The following KCNH7 variants were observed in gnomAD, a reference collection of about 807,000 sequenced individuals.
KCNH7 encodes the protein potassium voltage-gated channel subfamily H member 7, also known as voltage-gated inwardly rectifying potassium channel KCNH7.
KCNH7 carries 49 observed loss-of-function variants against 120.8 expected under a neutral mutation model. The observed-to-expected ratio is 0.41, with a 90% CI of 0.32 to 0.51. The LOEUF (loss-of-function observed/expected upper bound fraction) is 0.51. KCNH7 is among the 20% of genes least tolerant of loss of function. The pLI is 0.38. For missense variants in KCNH7, 1,097 were observed against 1,446.6 expected (o/e 0.76, Z 3.92); for synonymous variants, 547 against 516.1 (o/e 1.06, Z -0.81).
At chr2:162,752,359 T>A (rs756719918) in intron 2 of KCNH7, among the ~76,000 whole-genome samples, 1 of 152,222 alleles carries the variant, frequency 6.6e-6, no homozygotes, top group Non-Finnish European at 1.5e-5. Flanking sequence ...CAAACTGTTA[T>A]TGATACATGT....
intron 2 of KCNH7, among the ~76,000 whole-genome samples, chr2:162,835,719 T>A (rs1048553124): frequency 2.0e-5 from 3 of 152,086 alleles, no homozygotes; most frequent in Non-Finnish European, 1.5e-5. Flanking sequence ...TGAGTTCATT[T>A]ACATATATAT....
At chr2:162,519,268 T>C (rs1574056582) in intron 3 of KCNH7, among the ~76,000 whole-genome samples, 1 of 151,822 alleles carries the variant, frequency 6.6e-6, no homozygotes, top group Non-Finnish European at 1.5e-5. Flanking sequence ...AATTGGATTA[T>C]CCATTAGAAG....
chr2:162,800,158 A>C (rs1441252283), intron 2 of KCNH7, among the ~76,000 whole-genome samples: 1 of 151,906 alleles, frequency 6.6e-6, no homozygotes, highest in South Asian at 2.1e-4. Flanking sequence ...AGAAGGACTT[A>C]TGGTGAAGGA....
intron 2 of KCNH7, among the ~76,000 whole-genome samples, chr2:162,619,621 A>T (rs1432064860): frequency 6.6e-6 from 1 of 152,098 alleles, no homozygotes; most frequent in African/African-American, 2.4e-5. Context: ...TCTCCCAAAG[A>T]GACCCTTTTT....
intron 2 of KCNH7, among the ~76,000 whole-genome samples, chr2:162,693,749 A>C (rs1007299109): frequency 3.9e-5 from 6 of 152,198 alleles, no homozygotes; most frequent in Non-Finnish European, 7.3e-5. Flanking sequence ...TGTATTTCTT[A>C]ATGACTGAAA....
intron 2 of KCNH7, among the ~76,000 whole-genome samples, chr2:162,732,585 G>A (rs991591824): frequency 2.6e-5 from 4 of 152,136 alleles, no homozygotes; most frequent in African/African-American, 9.7e-5. Flanking sequence ...TGAGAATCCT[G>A]TGGTCTGCAT....
At chr2:162,644,955 A>ATG (rs768209817) in intron 2 of KCNH7, among the ~76,000 whole-genome samples, 9 of 152,142 alleles carry the variant, frequency 5.9e-5, no homozygotes, top group East Asian at 3.9e-4. Context: ...TAGTCAATAT[A>ATG]TGTGTGTGTG....
chr2:162,573,083 A>C (rs1448548155), intron 2 of KCNH7, among the ~76,000 whole-genome samples: 1 of 152,118 alleles, frequency 6.6e-6, no homozygotes, highest in Admixed American at 6.6e-5. Flanking sequence ...ATGAAATTAC[A>C]AATATGGCCT....
chr2:162,449,736 A>G (rs1688703286), intron 6 of KCNH7, among the ~76,000 whole-genome samples: 1 of 152,086 alleles, frequency 6.6e-6, no homozygotes, highest in South Asian at 2.1e-4. Flanking sequence ...TCCAGAAGGA[A>G]ACAACCTTGC....
Position 162,396,822 on chromosome 2 carries a change from A to G in KCNH7, c.2531T>C (p.Val844Ala), listed in dbSNP as rs1686924832. The change falls in exon 11 of 16, where the codon GTT becomes GCT. Residue 844 changes from valine to alanine, a missense_variant. Around this residue, in one of 8 missense-constraint regions of KCNH7, gnomAD observed 101 missense variants for 176.3 expected, o/e 0.57. Transcript: ENST00000332142. ...HKIQREDLLEVLDMYPEFSDH... is the reference protein window; with the variant it reads ...HKIQREDLLEALDMYPEFSDH... ...AGAAAACTCAGGATACATATCCAAA[A>G]CCTCTAACAAGTCTTCTCGCTGAAT... 6.2e-7 allele frequency: 1 copy of G among 1,611,794 alleles called. No individual in the cohort carries two copies. The highest frequency in any genetic ancestry group is 1.3e-5 in the African/African-American group (1 of 74,786).
chr2:162,451,077 A>G (rs1396426740), intron 6 of KCNH7, among the ~76,000 whole-genome samples: 7 of 152,038 alleles, frequency 4.6e-5, no homozygotes, highest in Non-Finnish European at 4.4e-5. Flanking sequence ...AAATTCTACA[A>G]TCTGGGTTTG....
At chr2:162,501,681 T>C (rs1306418891) in intron 6 of KCNH7, among the ~76,000 whole-genome samples, 2 of 152,020 alleles carry the variant, frequency 1.3e-5, no homozygotes, top group Non-Finnish European at 2.9e-5. Flanking sequence ...CTTTTCATTG[T>C]AACCTCACAG....
intron 2 of KCNH7, among the ~76,000 whole-genome samples, chr2:162,566,978 C>A (rs1179196329): frequency 6.6e-6 from 1 of 151,870 alleles, no homozygotes; most frequent in African/African-American, 2.4e-5. Context: ...TAATACATGA[C>A]AACAGTGCAA....
At chr2:162,556,643 G>A (rs969390179) in intron 2 of KCNH7, among the ~76,000 whole-genome samples, 2 of 152,110 alleles carry the variant, frequency 1.3e-5, no homozygotes, top group African/African-American at 2.4e-5. Context: ...CCATCTTACT[G>A]AGTCTTTAAA....
intron 3 of KCNH7, among the ~76,000 whole-genome samples, chr2:162,519,350 A>G (rs891485835): frequency 6.6e-6 from 1 of 151,868 alleles, no homozygotes; most frequent in South Asian, 2.1e-4. Flanking sequence ...GGTTGCTCAA[A>G]TATAACGTTA....
chr2:162,454,064 C>T (rs1310053657), intron 6 of KCNH7, among the ~76,000 whole-genome samples: 1 of 152,100 alleles, frequency 6.6e-6, no homozygotes, highest in African/African-American at 2.4e-5. Flanking sequence ...CCTAGGTTTT[C>T]TTCTAGAGTT....
intron 6 of KCNH7, among the ~76,000 whole-genome samples, chr2:162,486,005 A>T (rs964650875): frequency 6.6e-6 from 1 of 152,090 alleles, no homozygotes; most frequent in Non-Finnish European, 1.5e-5. Flanking sequence ...TGTCAGCTTG[A>T]CTCTTCAGTT....
At position 162,662,149 on chromosome 2, in the gene KCNH7, G is replaced by C. The variant is rs200005131; in HGVS notation, c.308-125069C>G. On this transcript the variant is annotated intron_variant, in intron 2 of 15. Transcript: ENST00000332142. ...ATGGTGGCGCGCACCTATTGTCCCA[G>C]CTACTCGGGAGGCTGAGGCAGGAGA... 1.3e-4 allele frequency among the ~76,000 whole-genome samples: 20 copies of C among 152,236 alleles called. No individual in the cohort carries two copies. The East Asian group carries it at 3.9e-3, about 29-fold the overall frequency.
At chr2:162,659,736 G>A (rs1385778969) in intron 2 of KCNH7, among the ~76,000 whole-genome samples, 1 of 152,088 alleles carries the variant, frequency 6.6e-6, no homozygotes. Context: ...AAAGATATTG[G>A]TCTCTAGTTT....
Sources: gnomAD v4.1 joint callset for allele counts (sites outside exome capture counted in the v4.1 genomes callset) on GRCh38, gnomAD v4.1.1 for gene constraint, gnomAD v4.1.1 regional missense constraint, MANE v1.5 for transcripts, NCBI Gene and HGNC (gene_info 2026-07-23, HGNC 2026-07-21) for gene names.